The following RPH3A variants were observed in gnomAD, a reference collection of about 807,000 sequenced individuals.
The protein encoded by RPH3A is rabphilin 3A, also known as rabphilin-3A.
RPH3A carries 48 observed loss-of-function variants against 102.2 expected under a neutral mutation model. The observed-to-expected ratio is 0.47, with a 90% CI of 0.37 to 0.60. RPH3A has a LOEUF of 0.60. RPH3A is among the 20% of genes least tolerant of loss of function. RPH3A has a pLI of 0.00. For missense variants in RPH3A, 781 were observed against 910.1 expected (o/e 0.86, Z 1.83); for synonymous variants, 310 against 324.3 (o/e 0.96, Z 0.47).
chr12:112,653,915 T>A (rs1592927416), intron 1 of RPH3A, among the ~76,000 whole-genome samples: 4 of 152,314 alleles, frequency 2.6e-5, no homozygotes, highest in South Asian at 4.1e-4. Context: ...CTTTTTTTTG[T>A]TAAAAACGAA....
chr12:112,733,746 A>AT (rs2040650078), intron 1 of RPH3A, among the ~76,000 whole-genome samples: 1 of 152,218 alleles, frequency 6.6e-6, no homozygotes, highest in Non-Finnish European at 1.5e-5. Flanking sequence ...CCAAGTGAGG[A>AT]TTAAAGACAA....
chr12:112,719,771 C>T (rs983034556), intron 1 of RPH3A, among the ~76,000 whole-genome samples: 2 of 152,142 alleles, frequency 1.3e-5, no homozygotes, highest in African/African-American at 4.8e-5. Context: ...GAGAAGTTGA[C>T]CAATCTGTGT....
chr12:112,863,693 T>A (rs889230231), intron 5 of RPH3A, among the ~76,000 whole-genome samples: 2 of 152,252 alleles, frequency 1.3e-5, no homozygotes, highest in African/African-American at 2.4e-5. Context: ...CCTGTGCCAC[T>A]TTCTTCACCT....
chr12:112,688,950 G>T (rs2040287211), intron 1 of RPH3A, among the ~76,000 whole-genome samples: 1 of 152,156 alleles, frequency 6.6e-6, no homozygotes, highest in African/African-American at 2.4e-5. Context: ...GCTAGTAAGT[G>T]GTTGCACACT....
chr12:112,663,774 C>T (rs879155940), intron 1 of RPH3A, among the ~76,000 whole-genome samples: 13 of 152,310 alleles, frequency 8.5e-5, no homozygotes, highest in Non-Finnish European at 1.5e-4. Flanking sequence ...TTGTCTCCTG[C>T]TACTGTCTCA....
intron 1 of RPH3A, among the ~76,000 whole-genome samples, chr12:112,761,744 C>T (rs943391792): frequency 6.6e-6 from 1 of 152,220 alleles, no homozygotes; most frequent in Non-Finnish European, 1.5e-5. Context: ...CCATGTAGAC[C>T]TGTGACCCAC....
intron 2 of RPH3A, among the ~76,000 whole-genome samples, chr12:112,826,762 T>C (rs547137225): frequency 2.8e-4 from 43 of 152,376 alleles, no homozygotes; most frequent in African/African-American, 1.0e-3. Context: ...ACATGCGCTG[T>C]ATCAGAAGCT....
At chr12:112,677,371 T>TCCCTCCC (rs2040184367) in intron 1 of RPH3A, among the ~76,000 whole-genome samples, 1 of 11,304 alleles carries the variant, frequency 8.8e-5, no homozygotes, top group Admixed American at 6.8e-4. Context: ...CCCTCCCTCC[T>TCCCTCCC]TCCCTTCCTC....
intron 1 of RPH3A, among the ~76,000 whole-genome samples, chr12:112,615,689 T>G (rs1566229620): frequency 6.6e-6 from 1 of 152,170 alleles, no homozygotes; most frequent in Non-Finnish European, 1.5e-5. Flanking sequence ...TTGACGACCG[T>G]GTCCAAGGAT....
intron 2 of RPH3A, among the ~76,000 whole-genome samples, chr12:112,806,614 G>C (rs1276354555): frequency 1.3e-5 from 2 of 151,650 alleles, no homozygotes; most frequent in Non-Finnish European, 2.9e-5. Flanking sequence ...GGGTGACAGA[G>C]AGAGACTCCA....
At chr12:112,825,002 G>T (rs188050295) in intron 2 of RPH3A, among the ~76,000 whole-genome samples, 1 of 151,654 alleles carries the variant, frequency 6.6e-6, no homozygotes, top group East Asian at 1.9e-4. Flanking sequence ...GAAACCTTCA[G>T]TTACAGTTTC....
intron 1 of RPH3A, among the ~76,000 whole-genome samples, chr12:112,631,508 T>C (rs1199611143): frequency 6.6e-6 from 1 of 152,036 alleles, no homozygotes; most frequent in Non-Finnish European, 1.5e-5. Context: ...TATAAATTTA[T>C]TTTCTTATTA....
rs528193778 is a variant in RPH3A, at chr12:112,603,110, C to T, written c.-140+27791C>T. Among the ~76,000 whole-genome samples, 12 of 152,284 alleles carry T rather than the reference C, an allele frequency of 7.9e-5. 1 individual carries two copies. In the South Asian group the frequency reaches 2.5e-3, roughly 32 times the overall value. ...ACTTAACAAGGCCTGTTTGTTCAGA[C>T]TCCTGTGTCTTCAGAGATTAGGATG... is the stretch of plus-strand genomic sequence containing the variant. On this transcript the variant is annotated intron_variant, in intron 1 of 21. Coordinates refer to the RPH3A transcript ENST00000543106.
intron 1 of RPH3A, among the ~76,000 whole-genome samples, chr12:112,731,989 C>G (rs2040637198): frequency 1.3e-5 from 2 of 152,246 alleles, no homozygotes; most frequent in South Asian, 4.1e-4. Flanking sequence ...GCTCATTTCT[C>G]AAGTTCCAGC....
intron 10 of RPH3A, chr12:112,874,092 T>C (rs1260110437): frequency 1.3e-5 from 2 of 152,206 alleles, no homozygotes; most frequent in Admixed American, 6.5e-5. Context: ...CCTTTTGTTA[T>C]GTGTATTCAA....
intron 3 of RPH3A, chr12:112,831,854 G>A: frequency 8.8e-6 from 4 of 455,696 alleles, no homozygotes; most frequent in South Asian, 3.1e-5. Flanking sequence ...TTCCTTCCAC[G>A]TAAGCCCTTC....
chr12:112,872,280 A>C (rs1361912494), intron 10 of RPH3A, among the ~76,000 whole-genome samples: 4 of 152,022 alleles, frequency 2.6e-5, no homozygotes, highest in Non-Finnish European at 5.9e-5. Context: ...TGTGGTTTTG[A>C]CTTGCATTTC....
intron 1 of RPH3A, among the ~76,000 whole-genome samples, chr12:112,644,245 G>A (rs527491748): frequency 6.6e-6 from 1 of 152,276 alleles, no homozygotes; most frequent in South Asian, 2.1e-4. Flanking sequence ...ACTTCATTAG[G>A]AAATATATCC....
At chr12:112,659,045 C>T (rs1292100236) in intron 1 of RPH3A, among the ~76,000 whole-genome samples, 1 of 152,186 alleles carries the variant, frequency 6.6e-6, no homozygotes, top group Non-Finnish European at 1.5e-5. Flanking sequence ...CACAAATTTA[C>T]AGAAAAGTTG....
Sources: gnomAD v4.1 joint callset for allele counts (sites outside exome capture counted in the v4.1 genomes callset) on GRCh38, gnomAD v4.1.1 for gene constraint, MANE v1.5 for transcripts, NCBI Gene and HGNC (gene_info 2026-07-23, HGNC 2026-07-21) for gene names.